The following FTO variants were observed in gnomAD, a reference collection of about 807,000 sequenced individuals.
FTO encodes alpha-ketoglutarate-dependent dioxygenase FTO.
A neutral mutation model predicts 63.9 loss-of-function variants in FTO; 47 were observed. The ratio of observed to expected loss-of-function variants is 0.74; its 90% CI spans 0.58 to 0.94. The LOEUF is 0.94. Among genes scored for constraint, FTO ranks in the 40% least tolerant of loss-of-function variants. The pLI is 0.00. For missense variants in FTO, 562 were observed against 618.1 expected, an observed-to-expected ratio of 0.91 and a Z score of 0.96; for synonymous variants, 207 against 224.4, an observed-to-expected ratio of 0.92 and a Z score of 0.69.
At chr16:54,058,030 C>T (rs893919617) in intron 8 of FTO, among the ~76,000 whole-genome samples, 2 of 152,228 alleles carry the variant, frequency 1.3e-5, no homozygotes, top group Non-Finnish European at 2.9e-5. Flanking sequence ...GACACAGTGC[C>T]CTGGACATGG....
intron 2 of FTO, among the ~76,000 whole-genome samples, chr16:53,811,487 T>C (rs2078520281): frequency 6.6e-6 from 1 of 152,198 alleles, no homozygotes; most frequent in Non-Finnish European, 1.5e-5. Flanking sequence ...GGCCACTGTC[T>C]CTTATCTCCA....
At chr16:53,916,621 G>A (rs940675258) in intron 7 of FTO, among the ~76,000 whole-genome samples, 1 of 152,166 alleles carries the variant, frequency 6.6e-6, no homozygotes, top group Non-Finnish European at 1.5e-5. Context: ...TAGATGGAAT[G>A]ATGGCCTCTT....
At chr16:53,808,606 G>C (rs58239912) in intron 1 of FTO, among the ~76,000 whole-genome samples, 1 of 152,086 alleles carries the variant, frequency 6.6e-6, no homozygotes. Context: ...CTCTGATTGT[G>C]ATGGGTTTGT....
intron 7 of FTO, among the ~76,000 whole-genome samples, chr16:53,905,570 A>T (rs146343979): frequency 1.5e-3 from 222 of 152,280 alleles, no homozygotes; most frequent in African/African-American, 4.8e-3. Context: ...AGGTTTGTGC[A>T]TATGTATAAT....
intron 3 of FTO, among the ~76,000 whole-genome samples, chr16:53,828,496 C>G (rs939106114): frequency 1.3e-5 from 2 of 152,154 alleles, no homozygotes; most frequent in Non-Finnish European, 2.9e-5. Flanking sequence ...CTTGAGCCAC[C>G]ATGCCCGGCC....
chr16:53,875,019 G>A (rs1204410005), intron 5 of FTO, among the ~76,000 whole-genome samples: 1 of 151,532 alleles, frequency 6.6e-6, no homozygotes, highest in Non-Finnish European at 1.5e-5. Context: ...CCTAAAGGGA[G>A]TTCTGTTAGA....
At chr16:53,873,896 T>C in intron 5 of FTO, 31 bp downstream of exon 5, 9 of 1,483,060 alleles carry the variant, frequency 6.1e-6, no homozygotes, top group African/African-American at 1.4e-5. Context: ...GATTCACACC[T>C]AATTGGATGT....
At chr16:53,959,772 A>C (rs917921859) in intron 8 of FTO, among the ~76,000 whole-genome samples, 1 of 152,056 alleles carries the variant, frequency 6.6e-6, no homozygotes, top group African/African-American at 2.4e-5. Flanking sequence ...AACCATGAAG[A>C]AGATAGTGAA....
chr16:53,811,337 A>C (rs2078514377), intron 2 of FTO, among the ~76,000 whole-genome samples: 1 of 152,222 alleles, frequency 6.6e-6, no homozygotes, highest in Non-Finnish European at 1.5e-5. Flanking sequence ...ATTAGGTCAC[A>C]GCATCTTTGT....
intron 1 of FTO, among the ~76,000 whole-genome samples, chr16:53,728,113 C>T (rs1454367597): frequency 6.6e-6 from 1 of 152,014 alleles, no homozygotes; most frequent in Admixed American, 6.6e-5. Context: ...GTGGTGTGCA[C>T]CTGTAGTCCT....
At position 54,112,313 on chromosome 16, in the gene FTO, C is replaced by T. The variant is rs1271040213; in HGVS notation, c.*398C>T. ...GGAAAGACAGAACTTAGAGACATCC[C>T]AGTTACTCACCACACCCATAGTGCT... On this transcript the variant is annotated 3_prime_UTR_variant, in exon 9 of 9. Transcript: ENST00000471389. 6.8e-6 allele frequency: 2 copies of T among 292,454 alleles called. No individual in the cohort carries two copies. The highest frequency in any genetic ancestry group is 1.3e-5 in the Non-Finnish European group (2 of 151,182). 18.1% of individuals were successfully genotyped at this position (292,454 alleles called of 1,614,324 possible).
intron 7 of FTO, among the ~76,000 whole-genome samples, chr16:53,929,087 C>T (rs1406060295): frequency 6.6e-6 from 1 of 152,162 alleles, no homozygotes; most frequent in Non-Finnish European, 1.5e-5. Context: ...AGATGATCTA[C>T]CTGCCTCGGC....
chr16:53,921,917 C>T (rs1202878240), intron 7 of FTO, among the ~76,000 whole-genome samples: 1 of 152,052 alleles, frequency 6.6e-6, no homozygotes, highest in South Asian at 2.1e-4. Flanking sequence ...TCTACCAACA[C>T]TACTATTGAG....
At chr16:54,085,089 G>A (rs553784144) in intron 8 of FTO, among the ~76,000 whole-genome samples, 1 of 152,288 alleles carries the variant, frequency 6.6e-6, no homozygotes, top group African/African-American at 2.4e-5. Flanking sequence ...TATTGTCAAC[G>A]CTATTGATTA....
At chr16:53,965,331 C>T (rs984316666) in intron 8 of FTO, among the ~76,000 whole-genome samples, 2 of 152,286 alleles carry the variant, frequency 1.3e-5, no homozygotes, top group Non-Finnish European at 1.5e-5. Flanking sequence ...ACCTTGGCCT[C>T]CCAAAGTGCT....
intron 4 of FTO, among the ~76,000 whole-genome samples, chr16:53,856,373 G>GTTTTAAA (rs879753687): frequency 6.7e-6 from 1 of 149,504 alleles, no homozygotes; most frequent in African/African-American, 2.5e-5. Context: ...TTTTTTGGGG[G>GTTTTAAA]GGGATATTTA....
At chr16:53,760,233 TGTGTGTGTGTGTGTGTGTGTGTG>T (rs1275499712) in intron 1 of FTO, among the ~76,000 whole-genome samples, 309 of 16,132 alleles carry the variant, frequency 0.019, 8 homozygotes, top group African/African-American at 0.024. Context: ...TGTGTGTGTG[TGTGTGTGTGTGTGTGTGTGTGTG>T]TGTGTTTTTT....
At chr16:53,858,979 G>A (rs2080090954) in intron 4 of FTO, among the ~76,000 whole-genome samples, 1 of 152,088 alleles carries the variant, frequency 6.6e-6, no homozygotes, top group African/African-American at 2.4e-5. Flanking sequence ...TTCTAAATAA[G>A]CAAAAAGATC....
intron 1 of FTO, among the ~76,000 whole-genome samples, chr16:53,744,024 T>A (rs2076589524): frequency 6.6e-6 from 1 of 152,212 alleles, no homozygotes; most frequent in African/African-American, 2.4e-5. Context: ...AGTACAGACA[T>A]CATTTTCTCC....
Sources: gnomAD v4.1 joint callset for allele counts (sites outside exome capture counted in the v4.1 genomes callset) on GRCh38, gnomAD v4.1.1 for gene constraint, MANE v1.5 for transcripts, NCBI Gene and HGNC (gene_info 2026-07-23, HGNC 2026-07-21) for gene names.